SLC12A2: variants seen among roughly 807,000 people sequenced by gnomAD.
The protein encoded by SLC12A2 is Na-K-2Cl cotransporter 1.
A neutral mutation model predicts 136.3 loss-of-function variants in SLC12A2; 67 were observed. The observed-to-expected ratio is 0.49, with a 90% CI of 0.40 to 0.60. The LOEUF (loss-of-function observed/expected upper bound fraction) is 0.60. Ranked by LOEUF, SLC12A2 falls within the 20% of genes least tolerant of loss-of-function variation. The pLI, the probability that SLC12A2 is intolerant of heterozygous loss-of-function variation, is 0.00. For missense variants in SLC12A2, 1,322 were observed against 1,534.7 expected, an observed-to-expected ratio of 0.86 and a Z score of 2.32; for synonymous variants, 619 against 562.9, an observed-to-expected ratio of 1.10 and a Z score of -1.41.
At chr5:128,109,127 G>A (rs756851016) in intron 1 of SLC12A2, among the ~76,000 whole-genome samples, 1 of 152,120 alleles carries the variant, frequency 6.6e-6, no homozygotes, top group Non-Finnish European at 1.5e-5. Flanking sequence ...GAAAACATGA[G>A]GATTAATTAA....
intron 23 of SLC12A2, among the ~76,000 whole-genome samples, chr5:128,181,993 C>CT (rs1159945569): frequency 6.8e-6 from 1 of 147,966 alleles, no homozygotes; most frequent in Non-Finnish European, 1.5e-5. Context: ...ACTTTTATAC[C>CT]TACCACTCAT....
At chr5:128,109,605 A>T in intron 1 of SLC12A2, 1 of 746,084 alleles carries the variant, frequency 1.3e-6, no homozygotes, top group South Asian at 1.4e-5. Flanking sequence ...TTAAAAGCAG[A>T]CATCGTCCTT....
intron 19 of SLC12A2, among the ~76,000 whole-genome samples, chr5:128,172,840 G>T (rs929093872): frequency 1.3e-5 from 2 of 151,914 alleles, no homozygotes; most frequent in African/African-American, 4.8e-5. Context: ...AATCCCAGAT[G>T]TTTGGGAAGC....
intron 4 of SLC12A2, among the ~76,000 whole-genome samples, chr5:128,130,213 A>G (rs1056382653): frequency 6.6e-6 from 1 of 152,048 alleles, no homozygotes; most frequent in African/African-American, 2.4e-5. Context: ...GGGGTTTGAG[A>G]CCAGCCTGGC....
intron 4 of SLC12A2, among the ~76,000 whole-genome samples, chr5:128,116,644 T>C (rs1761362002): frequency 6.6e-6 from 1 of 152,152 alleles, no homozygotes. Context: ...AAGAAGGTGA[T>C]ACATTTGGTG....
rs1284006274 is a variant in SLC12A2, at chr5:128,114,209, T to C, written c.877-3T>C. The C allele has an allele frequency of 6.2e-7, 1 of 1,610,400 alleles. No homozygotes were observed. Among genetic ancestry groups the C allele is most frequent in the Admixed American group, 1.7e-5 (1 of 59,860 alleles). On this transcript the variant is annotated splice_region_variant and splice_polypyrimidine_tract_variant and intron_variant, in intron 2 of 26. Transcript: ENST00000262461. ...GTGTCTTGGCCTCTTTTTCCCTCTT[T>C]AGGTACGTTGTATGTTAAACATTTG...
chr5:128,091,304 C>A (rs1424838245), intron 1 of SLC12A2, among the ~76,000 whole-genome samples: 2 of 152,066 alleles, frequency 1.3e-5, no homozygotes, highest in Non-Finnish European at 2.9e-5. Context: ...GGGAGATGGA[C>A]TCAAGATAGG....
rs1763608027 is a variant in SLC12A2, at chr5:128,178,698, G to C, written c.3100+9G>C. ...GCTTTTTGATGATGGAGGTAAGGTTGTTAATTTTTTTAAAATGATTTTAAA... is the reference window on the plus strand; with the variant it reads ...GCTTTTTGATGATGGAGGTAAGGTTCTTAATTTTTTTAAAATGATTTTAAA... On this transcript the variant is annotated intron_variant, in intron 22 of 26. Coordinates refer to ENST00000262461, the MANE Select transcript of SLC12A2 (RefSeq NM_001046.3). 6.5e-7 allele frequency: 1 copy of C among 1,533,304 alleles called. No individual in the cohort carries two copies. The allele number at this position is 1,533,304 out of a possible 1,614,324, so 95.0% of individuals were successfully genotyped here. A position where few individuals can be genotyped will look rare whatever the true frequency, so the allele number is the denominator to read the frequency against.
chr5:128,187,708 CTT>C lies in SLC12A2; in HGVS notation c.*1078_*1079del, dbSNP rs1326941757. On this transcript the variant is annotated 3_prime_UTR_variant, in exon 27 of 27. Coordinates refer to ENST00000262461, the MANE Select transcript of SLC12A2 (RefSeq NM_001046.3). ...CATTCAATTGTCAAGTACACTTAGT[CTT>C]AATACACTCAGGTTTGAACAGATTA... The C allele has an allele frequency of 6.6e-6, 1 of 152,482 alleles. No homozygotes were observed. The highest frequency in any genetic ancestry group is 1.5e-5 in the Non-Finnish European group (1 of 67,998). The allele number at this position is 152,482 out of a possible 1,614,324, so 9.4% of individuals were successfully genotyped here.
At chr5:128,118,398 G>T (rs535290592) in intron 4 of SLC12A2, among the ~76,000 whole-genome samples, 2 of 152,298 alleles carry the variant, frequency 1.3e-5, no homozygotes, top group South Asian at 4.1e-4. Context: ...CCATCAAAAG[G>T]AATGAAATAA....
At chr5:128,150,868 A>G (rs987700588) in intron 13 of SLC12A2, among the ~76,000 whole-genome samples, 3 of 151,964 alleles carry the variant, frequency 2.0e-5, no homozygotes, top group African/African-American at 7.2e-5. Flanking sequence ...GGGTCATCCT[A>G]GAACCAGAAA....
At chr5:128,115,330 G>C (rs1761306513) in intron 4 of SLC12A2, among the ~76,000 whole-genome samples, 1 of 152,090 alleles carries the variant, frequency 6.6e-6, no homozygotes. Context: ...TTGCCATGTT[G>C]GCCAGGCTGG....
chr5:128,178,672 G>A lies in SLC12A2; in HGVS notation c.3083G>A (p.Trp1028Ter). The A allele has an allele frequency of 6.4e-7, 1 of 1,568,454 alleles. No homozygotes were observed. The highest frequency in any genetic ancestry group is 8.6e-7 in the Non-Finnish European group (1 of 1,162,094). Residue 1028 changes from tryptophan (W) to a stop codon, truncating the protein, a stop_gained, in exon 22 of 27, where the codon TGG (tryptophan) becomes TAG (stop). Transcript: ENST00000262461. LOFTEE classifies it high-confidence loss of function. ...GGAAAGAATACTATTGATGTCTGGTGGCTTTTTGATGATGGAGGTAAGGTT... is the reference window on the plus strand; with the variant it reads ...GGAAAGAATACTATTGATGTCTGGTAGCTTTTTGATGATGGAGGTAAGGTT... ...KQGKNTIDVWWLFDDGGLTLL... is the reference protein window; with the variant it reads ...KQGKNTIDVW
At chr5:128,122,835 A>T (rs1022011350) in intron 4 of SLC12A2, among the ~76,000 whole-genome samples, 1 of 152,074 alleles carries the variant, frequency 6.6e-6, no homozygotes, top group Non-Finnish European at 1.5e-5. Context: ...CTAAGTTAGA[A>T]TTCAGCTCCA....
chr5:128,151,192 T>C (rs1461599566), intron 13 of SLC12A2, 49 bp from the exon 14 acceptor site: 1 of 1,533,738 alleles, frequency 6.5e-7, no homozygotes, highest in Non-Finnish European at 8.8e-7. Context: ...TACCATTGTG[T>C]AAAGCAGATG....
In SLC12A2 at chr5:128,089,403, A is replaced by T. The variant is rs191043518; in HGVS notation, c.756+4693A>T. On this transcript the variant is annotated intron_variant, in intron 1 of 26. Coordinates refer to ENST00000262461, the MANE Select transcript of SLC12A2 (RefSeq NM_001046.3). ...AAAACAGCAAGACCCTGTCTAAAAAAAAATAGTAGTACAGCTCAATTTGGA... is the reference window on the plus strand; with the variant it reads ...AAAACAGCAAGACCCTGTCTAAAAATAAATAGTAGTACAGCTCAATTTGGA... 2.0e-5 allele frequency among the ~76,000 whole-genome samples: 3 copies of T among 152,244 alleles called. No homozygotes were observed. The East Asian group carries it at 5.8e-4, about 30-fold the overall frequency.
intron 16 of SLC12A2, 61 bp from the exon 17 acceptor site, chr5:128,161,599 T>C: frequency 9.4e-7 from 1 of 1,059,070 alleles, no homozygotes; most frequent in African/African-American, 1.7e-5. Flanking sequence ...ATGAATCATT[T>C]GTATAAATGT....
rs376567633 is a variant in SLC12A2 at position 128,110,737 on chromosome 5, G to C, written c.757-2077G>C. On this transcript the variant is annotated intron_variant, in intron 1 of 26. Transcript: ENST00000262461. ...CATTCCAGTGAAGAGCAACCTGAGC[G>C]ATCTGCTAGAAAAACTTAAATGGAC... 47 of 1,455,896 alleles carry C rather than the reference G, an allele frequency of 3.2e-5. No individual in the cohort carries two copies. The East Asian group carries it at 4.1e-4, about 13-fold the overall frequency. The allele number at this position is 1,455,896 out of a possible 1,614,324, so 90.2% of individuals were successfully genotyped here.
At chr5:128,105,831 T>C (rs574366760) in intron 1 of SLC12A2, among the ~76,000 whole-genome samples, 9 of 152,312 alleles carry the variant, frequency 5.9e-5, no homozygotes, top group Non-Finnish European at 1.3e-4. Context: ...GTTTCTGTTT[T>C]TCTTTTCATC....
Sources: allele counts gnomAD v4.1 joint callset (sites outside exome capture counted in the v4.1 genomes callset), GRCh38; gene constraint gnomAD v4.1.1; transcripts MANE v1.5; gene names NCBI Gene and HGNC (gene_info 2026-07-23, HGNC 2026-07-21).